MYO16: variants seen among roughly 807,000 people sequenced by gnomAD.
The protein encoded by MYO16 is unconventional myosin-XVI.
MYO16 carries 94 observed loss-of-function variants against 205.3 expected under a neutral mutation model. The ratio of observed to expected loss-of-function variants is 0.46; its 90% CI spans 0.39 to 0.54. MYO16 has a LOEUF of 0.54. Ranked by LOEUF, MYO16 falls within the 20% of genes least tolerant of loss-of-function variation. The pLI is 0.00. For synonymous variants in MYO16, 988 were observed against 954.0 expected (o/e 1.04, Z -0.66); for missense variants, 2,315 against 2,387.5 (o/e 0.97, Z 0.63).
upstream of MYO16, among the ~76,000 whole-genome samples, chr13:108,591,184 A>C (rs961752764): frequency 6.6e-6 from 1 of 152,082 alleles, no homozygotes; most frequent in African/African-American, 2.4e-5. Context: ...AAAGATCACC[A>C]GGAGAGTCCC....
chr13:108,967,758 A>G (rs972809972), intron 20 of MYO16, among the ~76,000 whole-genome samples: 1 of 152,240 alleles, frequency 6.6e-6, no homozygotes, highest in Non-Finnish European at 1.5e-5. Flanking sequence ...CCAAGCATGT[A>G]CATGTAAATT....
At chr13:108,717,645 A>AAAAAT (rs1883999590) in intron 3 of MYO16, among the ~76,000 whole-genome samples, 1 of 151,762 alleles carries the variant, frequency 6.6e-6, no homozygotes, top group African/African-American at 2.4e-5. Flanking sequence ...AAAAAAAAAA[A>AAAAAT]AAAAATTGAG....
At chr13:108,944,714 C>T (rs952066071) in intron 16 of MYO16, among the ~76,000 whole-genome samples, 2 of 152,066 alleles carry the variant, frequency 1.3e-5, no homozygotes, top group Non-Finnish European at 2.9e-5. Context: ...CAATTTATTT[C>T]TAAAGAAATA....
chr13:108,832,580 T>C (rs1391868248), intron 9 of MYO16, among the ~76,000 whole-genome samples: 1 of 152,176 alleles, frequency 6.6e-6, no homozygotes, highest in Non-Finnish European at 1.5e-5. Context: ...TAAAATCCTC[T>C]TTCAGTATTA....
At chr13:108,581,049 T>G in the MYO16 span, among the ~76,000 whole-genome samples, 1 of 152,230 alleles carries the variant, frequency 6.6e-6, no homozygotes, top group Non-Finnish European at 1.5e-5. Context: ...TGAATGGTGA[T>G]TTAATTACAT....
Position 108,924,568 on chromosome 13 carries a change from T to C in MYO16, c.1925+14418T>C, listed in dbSNP as rs542011213. ...GATTCCTGAGTACGAATGGAATCGC[T>C]TAGATCCAGATTCAGTAGAACCATG... On this transcript the variant is annotated intron_variant, in intron 16 of 34. Coordinates refer to ENST00000457511, the MANE Select transcript of MYO16 (RefSeq NM_001198950.3). Among the ~76,000 whole-genome samples the C allele has an allele frequency of 3.7e-4, 57 of 152,314 alleles. 2 individuals carry two copies. Among genetic ancestry groups the C allele is most frequent in the African/African-American group, 1.2e-3 (49 of 41,576 alleles).
the MYO16 span, among the ~76,000 whole-genome samples, chr13:108,546,576 G>T: frequency 6.6e-6 from 1 of 151,950 alleles, no homozygotes; most frequent in Non-Finnish European, 1.5e-5. Flanking sequence ...TTCCACAGTT[G>T]CTCTCTGAAT....
chr13:108,870,126 G>A (rs1344738864), intron 12 of MYO16, among the ~76,000 whole-genome samples: 1 of 151,722 alleles, frequency 6.6e-6, no homozygotes, highest in Middle Eastern at 3.3e-3. Flanking sequence ...CTTTTTCATA[G>A]AAAACGTATT....
intron 5 of MYO16, among the ~76,000 whole-genome samples, chr13:108,787,318 G>A (rs1159668720): frequency 6.6e-6 from 1 of 152,050 alleles, no homozygotes; most frequent in African/African-American, 2.4e-5. Flanking sequence ...GCAATGAATG[G>A]TTTAAAAAAA....
chr13:108,548,717 G>A, the MYO16 span, among the ~76,000 whole-genome samples: 1 of 152,004 alleles, frequency 6.6e-6, no homozygotes, highest in African/African-American at 2.4e-5. Flanking sequence ...GATGAATGGT[G>A]ATGATTATAG....
chr13:108,949,631 TG>T (rs921368876), intron 16 of MYO16, among the ~76,000 whole-genome samples: 2 of 152,336 alleles, frequency 1.3e-5, no homozygotes, highest in African/African-American at 4.8e-5. Flanking sequence ...GTGTAATTCC[TG>T]TTAAAATCTT....
In MYO16 at chr13:109,103,683, T is replaced by C. The variant is rs538134476; in HGVS notation, c.3438+2796T>C. Among the ~76,000 whole-genome samples the C allele has an allele frequency of 1.1e-4, 17 of 152,328 alleles. No homozygotes were observed. In the East Asian group the frequency reaches 2.3e-3, roughly 21 times the overall value. ...AAAGCCTTGAATCATCAATATGAGA[T>C]GGTAACTCTGTAATTCTTATACTCT... is the stretch of plus-strand genomic sequence containing the variant. On this transcript the variant is annotated intron_variant, in intron 28 of 34. Coordinates refer to ENST00000457511, the MANE Select transcript of MYO16 (RefSeq NM_001198950.3).
intron 1 of MYO16, among the ~76,000 whole-genome samples, chr13:108,639,860 GGAC>G (rs1382539966): frequency 6.6e-6 from 1 of 152,176 alleles, no homozygotes; most frequent in East Asian, 1.9e-4. Context: ...TAAGGCCTTG[GGAC>G]GACTTCGGCA....
chr13:109,152,895 A>T (rs967564305), intron 32 of MYO16, among the ~76,000 whole-genome samples: 3 of 152,212 alleles, frequency 2.0e-5, no homozygotes, highest in African/African-American at 7.2e-5. Flanking sequence ...CGAAGGGCAC[A>T]CTTCATTCAT....
chr13:108,966,186 A>G (rs192208669), intron 20 of MYO16, among the ~76,000 whole-genome samples: 24 of 152,290 alleles, frequency 1.6e-4, no homozygotes, highest in Non-Finnish European at 3.2e-4. Flanking sequence ...TACTATGATG[A>G]GGACTCTTGA....
chr13:108,966,302 A>G (rs1223914612), intron 20 of MYO16, among the ~76,000 whole-genome samples: 4 of 152,228 alleles, frequency 2.6e-5, no homozygotes, highest in Non-Finnish European at 5.9e-5. Context: ...TTAGCTATGT[A>G]TAAAATTATT....
chr13:109,140,193 CG>C lies in MYO16; in HGVS notation c.4052-70del. On this transcript the variant is annotated intron_variant, in intron 31 of 34. Coordinates refer to ENST00000457511, the MANE Select transcript of MYO16 (RefSeq NM_001198950.3). This position sits in a 1 kb window ranked among gnomAD's most constrained non-coding sequence, Gnocchi z 8.0. ...CACGGGGCCGTGGCTCCCTCCGAGT[CG>C]AGCCCCGGGCTTGGTGGGCACCCGT... 6.4e-7 allele frequency: 1 copy of C among 1,561,672 alleles called. No homozygotes were observed. The highest frequency in any genetic ancestry group is 8.6e-7 in the Non-Finnish European group (1 of 1,162,798).
At chr13:109,168,663 T>C (rs1354747408) in intron 33 of MYO16, among the ~76,000 whole-genome samples, 1 of 152,174 alleles carries the variant, frequency 6.6e-6, no homozygotes, top group African/African-American at 2.4e-5. Flanking sequence ...AGGCGGAGTT[T>C]GCAGTGAGCC....
At chr13:108,740,209 G>A (rs911415953) in intron 4 of MYO16, among the ~76,000 whole-genome samples, 2 of 146,182 alleles carry the variant, frequency 1.4e-5, no homozygotes, top group Admixed American at 1.4e-4. Context: ...GGGGAGAGGT[G>A]CTCTGATTTG....
Sources: gnomAD v4.1 joint callset for allele counts (sites outside exome capture counted in the v4.1 genomes callset) on GRCh38, gnomAD v4.1.1 for gene constraint, Gnocchi (gnomAD v3.1) non-coding constraint, MANE v1.5 for transcripts, NCBI Gene and HGNC (gene_info 2026-07-23, HGNC 2026-07-21) for gene names.